MID2: variants seen among roughly 807,000 people sequenced by gnomAD.
MID2 encodes midline 2, also known as probable E3 ubiquitin-protein ligase MID2.
MID2 carries 13 observed loss-of-function variants against 46.1 expected under a neutral mutation model. The ratio of observed to expected loss-of-function variants is 0.28; its 90% CI spans 0.18 to 0.45. MID2 has a LOEUF of 0.45. Among genes scored for constraint, MID2 ranks in the 20% least tolerant of loss-of-function variants. The pLI is 1.00. For missense variants in MID2, 431 were observed against 575.4 expected, an observed-to-expected ratio of 0.75 and a Z score of 2.57; for synonymous variants, 199 against 212.3, an observed-to-expected ratio of 0.94 and a Z score of 0.55.
At chrX:107,910,834 T>C (rs1325722629) in intron 5 of MID2, among the ~76,000 whole-genome samples, 6 of 49,877 alleles carry the variant, frequency 1.2e-4, no homozygotes, top group South Asian at 2.0e-3. Context: ...TTTCCTTTCC[T>C]TTCCCTCTCT....
intron 3 of MID2, among the ~76,000 whole-genome samples, chrX:107,892,355 T>G (rs1355136984): frequency 1.8e-5 from 2 of 112,144 alleles, no homozygotes; most frequent in South Asian, 3.7e-4. Flanking sequence ...TCACATGAAC[T>G]TGGGTGGAAC....
chrX:107,915,280 G>C (rs1248564761), intron 5 of MID2, among the ~76,000 whole-genome samples: 1 of 112,205 alleles, frequency 8.9e-6, no homozygotes, highest in Non-Finnish European at 1.9e-5. Context: ...ACATAGGTCA[G>C]GTGCGGTGGC....
chrX:107,877,618 T>C (rs967803302), intron 3 of MID2, among the ~76,000 whole-genome samples: 1 of 111,867 alleles, frequency 8.9e-6, no homozygotes, highest in Non-Finnish European at 1.9e-5. Context: ...GCCTAGAGAA[T>C]AGGAATTGTC....
intron 3 of MID2, among the ~76,000 whole-genome samples, chrX:107,875,925 C>T (rs780424777): frequency 1.8e-5 from 2 of 111,368 alleles, no homozygotes; most frequent in East Asian, 5.7e-4. Flanking sequence ...TGGTCTGGAC[C>T]ACTGGAGCTA....
chrX:107,840,068 G>A (rs900102556), intron 1 of MID2, among the ~76,000 whole-genome samples: 10 of 112,299 alleles, frequency 8.9e-5, no homozygotes, highest in African/African-American at 2.6e-4. Context: ...ATTTCCATGT[G>A]TGATAATAAG....
chrX:107,845,854 A>G (rs778665248), intron 2 of MID2, among the ~76,000 whole-genome samples: 2 of 111,240 alleles, frequency 1.8e-5, no homozygotes, highest in African/African-American at 3.3e-5. Context: ...TAATGGGCAT[A>G]TGACTTTCTC....
At chrX:107,856,176 C>T (rs1393583785) in intron 3 of MID2, among the ~76,000 whole-genome samples, 1 of 111,813 alleles carries the variant, frequency 8.9e-6, no homozygotes, top group East Asian at 2.8e-4. Flanking sequence ...CTTATTCTTT[C>T]CAAGAAGGGA....
At chrX:107,892,201 C>T (rs761418732) in intron 3 of MID2, among the ~76,000 whole-genome samples, 29 of 111,788 alleles carry the variant, frequency 2.6e-4, no homozygotes, top group East Asian at 5.7e-4. Flanking sequence ...CTTAAGAAGG[C>T]GGAAACATTC....
chrX:107,886,974 G>A (rs890550740), intron 3 of MID2, among the ~76,000 whole-genome samples: 9 of 112,103 alleles, frequency 8.0e-5, no homozygotes, highest in Non-Finnish European at 1.1e-4. Context: ...CATTGATTTT[G>A]TATCCTGAGA....
intron 2 of MID2, among the ~76,000 whole-genome samples, chrX:107,850,495 C>G (rs1385294597): frequency 8.9e-6 from 1 of 112,056 alleles, no homozygotes; most frequent in Non-Finnish European, 1.9e-5. Context: ...GTGTTTTCCT[C>G]AAATTATGTC....
At chrX:107,839,650 G>T (rs1931289193) in intron 1 of MID2, among the ~76,000 whole-genome samples, 1 of 112,017 alleles carries the variant, frequency 8.9e-6, no homozygotes, top group African/African-American at 3.2e-5. Flanking sequence ...GATTACAGGC[G>T]TGAGCCACTG....
At chrX:107,893,244 A>G (rs1021645418) in intron 3 of MID2, among the ~76,000 whole-genome samples, 3 of 112,862 alleles carry the variant, frequency 2.7e-5, no homozygotes, top group Non-Finnish European at 5.6e-5. Context: ...ATAATGTAGT[A>G]TTACACAGAT....
At chrX:107,912,961 A>G (rs944695756) in intron 5 of MID2, among the ~76,000 whole-genome samples, 3 of 110,639 alleles carry the variant, frequency 2.7e-5, no homozygotes, top group Non-Finnish European at 5.7e-5. Context: ...CTTACAAATG[A>G]CACCTTATAT....
chrX:107,853,392 T>G (rs1931672936), intron 2 of MID2, among the ~76,000 whole-genome samples: 1 of 111,351 alleles, frequency 9.0e-6, no homozygotes, highest in Admixed American at 9.5e-5. Context: ...CTCTGCCTCC[T>G]GGGGTCAAGT....
intron 3 of MID2, among the ~76,000 whole-genome samples, chrX:107,889,887 C>G (rs988603793): frequency 9.0e-6 from 1 of 111,705 alleles, no homozygotes; most frequent in Non-Finnish European, 1.9e-5. Flanking sequence ...ATCACTGACA[C>G]CCTTTCTTCC....
chrX:107,917,485 C>G (rs1932990344), intron 6 of MID2, 21 bp from the exon 7 acceptor site: 1 of 1,140,405 alleles, frequency 8.8e-7, no homozygotes, highest in Non-Finnish European at 1.2e-6. Context: ...TCCTTACTTT[C>G]TTTTCCACCT....
At chrX:107,926,501 C>T in intron 9 of MID2, 170 bp from the exon 10 acceptor site, 1 of 594,794 alleles carries the variant, frequency 1.7e-6, no homozygotes, top group East Asian at 3.6e-5. Flanking sequence ...TGCCACATTG[C>T]TCTAATTGCT....
At chrX:107,904,111 A>G (rs1156619514) in intron 4 of MID2, 46 bp downstream of exon 4, 1 of 894,035 alleles carries the variant, frequency 1.1e-6, no homozygotes, top group South Asian at 2.1e-5. Flanking sequence ...TTGACTTTAC[A>G]AATATCAAAG....
intron 7 of MID2, 74 bp from the exon 8 acceptor site, chrX:107,924,269 T>C: frequency 3.9e-6 from 4 of 1,037,908 alleles, no homozygotes; most frequent in Non-Finnish European, 5.3e-6. Flanking sequence ...TGGCTTATGA[T>C]GAATTTTCAG....
Sources: gnomAD v4.1 joint callset for allele counts (sites outside exome capture counted in the v4.1 genomes callset) on GRCh38, gnomAD v4.1.1 for gene constraint, MANE v1.5 for transcripts, NCBI Gene and HGNC (gene_info 2026-07-23, HGNC 2026-07-21) for gene names.